Variants in LAMA2 observed in about 807,000 individuals in gnomAD.
LAMA2 encodes the protein laminin subunit alpha 2, also known as laminin subunit alpha-2.
Under a neutral mutation model 364.8 loss-of-function variants are expected in LAMA2, and 269 were observed. The observed-to-expected ratio is 0.74, with a 90% CI of 0.67 to 0.82. LAMA2 has a LOEUF of 0.82. LAMA2 is among the 40% of genes least tolerant of loss of function. LAMA2 has a pLI of 0.00. For missense variants in LAMA2, 3,807 were observed against 3,873.2 expected (o/e 0.98, Z 0.45); for synonymous variants, 1,379 against 1,370.6 (o/e 1.01, Z -0.14).
At chr6:129,428,696 C>T (rs914120632) in intron 41 of LAMA2, among the ~76,000 whole-genome samples, 3 of 152,122 alleles carry the variant, frequency 2.0e-5, no homozygotes, top group African/African-American at 2.4e-5. Flanking sequence ...CCTCCCGCCT[C>T]GGCCTCCCAA....
chr6:129,421,783 C>G (rs966972279), intron 40 of LAMA2, among the ~76,000 whole-genome samples: 1 of 152,090 alleles, frequency 6.6e-6, no homozygotes, highest in Non-Finnish European at 1.5e-5. Flanking sequence ...CTTCTTGAAA[C>G]ATTGAGGCAT....
At chr6:129,152,995 C>T (rs899607275) in intron 7 of LAMA2, among the ~76,000 whole-genome samples, 1 of 152,148 alleles carries the variant, frequency 6.6e-6, no homozygotes, top group Non-Finnish European at 1.5e-5. Flanking sequence ...CACACACACA[C>T]ACACACGTGG....
At chr6:129,196,804 T>C (rs1781878435) in intron 12 of LAMA2, among the ~76,000 whole-genome samples, 1 of 152,210 alleles carries the variant, frequency 6.6e-6, no homozygotes, top group Admixed American at 6.6e-5. Flanking sequence ...AAGACTAACT[T>C]GGCAATGGAG....
chr6:129,420,733 G>A lies in LAMA2; in HGVS notation c.5866-7019G>A, dbSNP rs142232407. Among the ~76,000 whole-genome samples the A allele has an allele frequency of 1.8e-3, 267 of 152,176 alleles. 1 individual carries two copies. Among genetic ancestry groups the A allele is most frequent in the Non-Finnish European group, 6.0e-4 (41 of 67,996 alleles). On this transcript the variant is annotated intron_variant, in intron 40 of 64. Transcript: ENST00000421865. ...TTAGGAAAAAAGCAAAATATATAAAGCAATGTAAACAATAACTTTTAAACT... is the reference window on the plus strand; with the variant it reads ...TTAGGAAAAAAGCAAAATATATAAAACAATGTAAACAATAACTTTTAAACT...
intron 12 of LAMA2, among the ~76,000 whole-genome samples, chr6:129,240,138 G>A (rs1429624186): frequency 6.6e-6 from 1 of 152,146 alleles, no homozygotes; most frequent in Non-Finnish European, 1.5e-5. Flanking sequence ...ATCCGGCATA[G>A]GAGAAAGATG....
At chr6:129,293,151 C>A in intron 20 of LAMA2, 3 of 885,394 alleles carry the variant, frequency 3.4e-6, no homozygotes, top group Middle Eastern at 5.7e-4. Context: ...GGCATTTTAC[C>A]AAATAACAGT....
At chr6:128,992,155 G>A (rs1187039058) in intron 1 of LAMA2, among the ~76,000 whole-genome samples, 24 of 152,298 alleles carry the variant, frequency 1.6e-4, no homozygotes. Flanking sequence ...AATATGGTTT[G>A]AAATTTGTGA....
intron 2 of LAMA2, among the ~76,000 whole-genome samples, chr6:129,052,558 G>A (rs1788151979): frequency 6.6e-6 from 1 of 151,912 alleles, no homozygotes. Flanking sequence ...CAACACATGC[G>A]TGGACTTCTC....
At chr6:129,048,551 T>TTCTCTC (rs35969474) in intron 1 of LAMA2, among the ~76,000 whole-genome samples, 1 of 98,968 alleles carries the variant, frequency 1.0e-5, no homozygotes, top group African/African-American at 4.9e-5. Context: ...CTTTCTTTCT[T>TTCTCTC]TCTCTCTCTC....
chr6:129,436,237 T>C (rs977263780), intron 41 of LAMA2, among the ~76,000 whole-genome samples: 4 of 152,152 alleles, frequency 2.6e-5, no homozygotes, highest in African/African-American at 9.7e-5. Context: ...TCCCAGTTTC[T>C]ACCCACTATT....
In LAMA2 at chr6:129,280,232, C is replaced by T. The variant is rs1788630277; in HGVS notation, c.2537+85C>T. ...AGATACAATCATCCTTTGCATCATC[C>T]TTTGGAGAAAAAAGGCCACACTCAA... On this transcript the variant is annotated intron_variant, in intron 18 of 64. Coordinates refer to ENST00000421865, the MANE Select transcript of LAMA2 (RefSeq NM_000426.4). 16 of 897,184 alleles carry T rather than the reference C, an allele frequency of 1.8e-5. No homozygotes were observed. In the South Asian group the frequency reaches 2.0e-4, roughly 11 times the overall value. 55.6% of individuals were successfully genotyped at this position (897,184 alleles called of 1,614,324 possible).
chr6:129,079,522 T>C (rs772829129), intron 3 of LAMA2, among the ~76,000 whole-genome samples: 1 of 151,478 alleles, frequency 6.6e-6, no homozygotes, highest in Non-Finnish European at 1.5e-5. Context: ...GATTCTAATT[T>C]CTCCACACCC....
intron 12 of LAMA2, among the ~76,000 whole-genome samples, chr6:129,243,140 C>T (rs1232066217): frequency 6.6e-6 from 1 of 152,208 alleles, no homozygotes; most frequent in East Asian, 1.9e-4. Flanking sequence ...TTTTCAATTG[C>T]AGCCAAAAGC....
chr6:129,162,554 A>G (rs1242686860), intron 8 of LAMA2, among the ~76,000 whole-genome samples: 1 of 151,824 alleles, frequency 6.6e-6, no homozygotes, highest in Non-Finnish European at 1.5e-5. Context: ...ATTGAAGGAT[A>G]TTTTCCACAT....
chr6:129,513,721 T>C lies in LAMA2; in HGVS notation c.8989-652T>C, dbSNP rs553307486. Among the ~76,000 whole-genome samples the C allele has an allele frequency of 4.6e-5, 7 of 152,268 alleles. No homozygotes were observed. In the East Asian group the frequency reaches 1.4e-3, roughly 29 times the overall value. On this transcript the variant is annotated intron_variant, in intron 63 of 64. Transcript: ENST00000421865. ...TCAAATTTCAGGGGCTTTTCCACAT[T>C]ACTAAAAACAGATTTTTCTCATTTA... is the stretch of plus-strand genomic sequence containing the variant.
At chr6:129,058,780 G>GT (rs1788671518) in intron 2 of LAMA2, among the ~76,000 whole-genome samples, 1 of 152,178 alleles carries the variant, frequency 6.6e-6, no homozygotes. Flanking sequence ...CATACAAAAT[G>GT]TATTTTAACA....
chr6:128,892,612 G>A (rs905241014), intron 1 of LAMA2, among the ~76,000 whole-genome samples: 11 of 151,668 alleles, frequency 7.3e-5, no homozygotes, highest in African/African-American at 9.7e-5. Context: ...ACAATGTGGC[G>A]TGTTTGACAC....
chr6:129,044,519 T>C (rs1432337079), intron 1 of LAMA2, among the ~76,000 whole-genome samples: 3 of 151,588 alleles, frequency 2.0e-5, no homozygotes, highest in African/African-American at 4.8e-5. Flanking sequence ...AATTTTCACA[T>C]GATATACACT....
intron 4 of LAMA2, among the ~76,000 whole-genome samples, chr6:129,143,651 G>A (rs1473907462): frequency 6.6e-6 from 1 of 151,974 alleles, no homozygotes; most frequent in Non-Finnish European, 1.5e-5. Context: ...TTGGAAGAGA[G>A]AAATATAGGT....
Sources: allele counts gnomAD v4.1 joint callset (sites outside exome capture counted in the v4.1 genomes callset), GRCh38; gene constraint gnomAD v4.1.1; transcripts MANE v1.5; gene names NCBI Gene and HGNC (gene_info 2026-07-23, HGNC 2026-07-21).